The following SMCHD1 variants were observed in gnomAD, a reference collection of about 807,000 sequenced individuals.
The protein encoded by SMCHD1 is structural maintenance of chromosomes flexible hinge domain-containing protein 1.
SMCHD1 carries 78 observed loss-of-function variants against 254.7 expected under a neutral mutation model. That is an observed-to-expected ratio of 0.31 (90% CI 0.26 to 0.37). The LOEUF (loss-of-function observed/expected upper bound fraction) is 0.37, where lower values mean the gene tolerates loss of function less well. Among genes scored for constraint, SMCHD1 ranks in the 10% least tolerant of loss-of-function variants. The pLI is 1.00. For missense variants in SMCHD1, 1,840 were observed against 2,408.1 expected (o/e 0.76, Z 4.94); for synonymous variants, 766 against 794.9 (o/e 0.96, Z 0.61).
chr18:2,707,301 A>G (rs1368146351), intron 15 of SMCHD1: 1 of 219,724 alleles, frequency 4.6e-6, no homozygotes, highest in African/African-American at 2.9e-5. Context: ...AAACAAGTAG[A>G]AAAAAAAAAT....
At chr18:2,680,464 C>A (rs1458353041) in intron 5 of SMCHD1, among the ~76,000 whole-genome samples, 1 of 152,158 alleles carries the variant, frequency 6.6e-6, no homozygotes, top group Non-Finnish European at 1.5e-5. Flanking sequence ...GTGCCTTGAA[C>A]CACTAAGTCT....
chr18:2,777,679 G>T, intron 42 of SMCHD1, 127 bp from the exon 43 acceptor site: 1 of 532,360 alleles, frequency 1.9e-6, no homozygotes, highest in East Asian at 3.0e-5. Context: ...AGTATCACTT[G>T]TGGTGGATTG....
intron 34 of SMCHD1, among the ~76,000 whole-genome samples, chr18:2,757,054 C>T (rs971438955): frequency 2.6e-5 from 4 of 152,006 alleles, no homozygotes; most frequent in African/African-American, 9.7e-5. Flanking sequence ...ATTAAAACTG[C>T]TTGAGAAGGT....
intron 45 of SMCHD1, among the ~76,000 whole-genome samples, chr18:2,786,820 T>A (rs907063077): frequency 1.3e-5 from 2 of 152,222 alleles, no homozygotes; most frequent in African/African-American, 4.8e-5. Flanking sequence ...ATTTTGCCCA[T>A]TTTAGTACTT....
intron 8 of SMCHD1, among the ~76,000 whole-genome samples, chr18:2,696,583 T>G (rs1262056321): frequency 6.6e-6 from 1 of 152,246 alleles, no homozygotes; most frequent in African/African-American, 2.4e-5. Flanking sequence ...GGGACTGCTG[T>G]TCTGGAATGG....
intron 23 of SMCHD1, chr18:2,728,798 A>T: frequency 2.1e-6 from 1 of 479,442 alleles, no homozygotes; most frequent in Non-Finnish European, 3.5e-6. Context: ...GCCCAGTTTC[A>T]TAAATTTGTG....
At position 2,697,042 on chromosome 18, in the gene SMCHD1, C is replaced by A; in HGVS notation, c.1051C>A (p.His351Asn). ...TCTTCTCTATTTTAGGCATATTTAT[C>A]ACTACTATATTCATGGCCCAAAAGG... ...LWTRQLAHIY[H>N]YYIHGPKGNE... is the part of the protein sequence containing the mutation. The change falls in exon 9 of 48, where the codon CAC becomes AAC. Residue 351 changes from histidine (H) to asparagine (N), a missense_variant. Physicochemically the swap from His to Asn is moderately conservative, Grantham distance 68 (BLOSUM62 1). Transcript: ENST00000320876. The A allele has an allele frequency of 7.1e-7, 1 of 1,413,836 alleles. No individual in the cohort carries two copies. Among genetic ancestry groups the A allele is most frequent in the Non-Finnish European group, 9.5e-7 (1 of 1,053,842 alleles). The allele number at this position is 1,413,836 out of a possible 1,614,324, so 87.6% of individuals were successfully genotyped here.
At chr18:2,750,322 GA>G (rs1178291640) in intron 31 of SMCHD1, 27 bp from the exon 32 acceptor site, 1 of 1,578,816 alleles carries the variant, frequency 6.3e-7, no homozygotes, top group East Asian at 2.2e-5. Context: ...AATGTAATTT[GA>G]ACCCCTCTCC....
At chr18:2,738,353 T>G in intron 25 of SMCHD1, 44 bp from the exon 26 acceptor site, 1 of 1,069,862 alleles carries the variant, frequency 9.3e-7, no homozygotes, top group Non-Finnish European at 1.3e-6. Context: ...TAAGAGAACA[T>G]TAGACGAAGC....
intron 34 of SMCHD1, chr18:2,753,195 A>G (rs906553770): frequency 4.6e-5 from 7 of 152,328 alleles, no homozygotes; most frequent in Middle Eastern, 3.4e-3. Context: ...ATACATCTCT[A>G]TAGTCTCTGA....
At chr18:2,725,563 A>C (rs533133243) in intron 21 of SMCHD1, among the ~76,000 whole-genome samples, 6 of 152,072 alleles carry the variant, frequency 3.9e-5, no homozygotes, top group African/African-American at 1.4e-4. Context: ...TAAAGCAGCT[A>C]ATAGACTTAA....
At chr18:2,728,892 G>T in intron 23 of SMCHD1, 1 of 263,238 alleles carries the variant, frequency 3.8e-6, no homozygotes, top group South Asian at 1.1e-4. Context: ...ATGTCTTTCA[G>T]GATTGGGAAT....
intron 5 of SMCHD1, among the ~76,000 whole-genome samples, chr18:2,678,004 C>T (rs2073793410): frequency 6.6e-6 from 1 of 152,200 alleles, no homozygotes; most frequent in Non-Finnish European, 1.5e-5. Flanking sequence ...TGGATTAATA[C>T]CAACGACATA....
At chr18:2,716,082 T>C (rs140461425) in intron 17 of SMCHD1, among the ~76,000 whole-genome samples, 1 of 152,328 alleles carries the variant, frequency 6.6e-6, no homozygotes, top group Non-Finnish European at 1.5e-5. Context: ...TCCTTGATGA[T>C]GTGTCTATGA....
intron 43 of SMCHD1, 82 bp downstream of exon 43, chr18:2,777,997 T>A: frequency 9.3e-7 from 1 of 1,074,650 alleles, no homozygotes; most frequent in South Asian, 1.7e-5. Context: ...TAATGAAAAT[T>A]TATATTCTTA....
rs953569943 is a variant in SMCHD1, at chr18:2,766,804, G to A, written c.4720-2890G>A. On this transcript the variant is annotated intron_variant, in intron 37 of 47. Coordinates refer to ENST00000320876, the MANE Select transcript of SMCHD1 (RefSeq NM_015295.3). ...TTTGTTTCTCATATGCCAAATTTCC[G>A]TTTATACTTGGATCCAGTTTGGGAC... Among the ~76,000 whole-genome samples, 14 of 152,130 alleles carry A rather than the reference G, an allele frequency of 9.2e-5. No individual in the cohort carries two copies. In the South Asian group the frequency reaches 1.2e-3, roughly 14 times the overall value.
intron 19 of SMCHD1, among the ~76,000 whole-genome samples, chr18:2,722,109 T>C (rs1257157746): frequency 1.3e-5 from 2 of 152,238 alleles, no homozygotes; most frequent in Non-Finnish European, 2.9e-5. Flanking sequence ...CTTCATCATA[T>C]ATATCATTTT....
intron 1 of SMCHD1, among the ~76,000 whole-genome samples, chr18:2,660,008 A>G (rs1490626010): frequency 6.6e-6 from 1 of 152,174 alleles, no homozygotes; most frequent in African/African-American, 2.4e-5. Flanking sequence ...ATGCACTGCA[A>G]GTCAGTTAGT....
chr18:2,749,459 A>C (rs2075530422), intron 30 of SMCHD1, among the ~76,000 whole-genome samples: 1 of 152,202 alleles, frequency 6.6e-6, no homozygotes, highest in African/African-American at 2.4e-5. Context: ...GTTTCTGGAG[A>C]ACCATCTGTA....
Sources: gnomAD v4.1 joint callset for allele counts (sites outside exome capture counted in the v4.1 genomes callset) on GRCh38, gnomAD v4.1.1 for gene constraint, MANE v1.5 for transcripts, NCBI Gene and HGNC (gene_info 2026-07-23, HGNC 2026-07-21) for gene names.